KCNIP4: variants seen among roughly 807,000 people sequenced by gnomAD.
KCNIP4 encodes the protein Kv channel-interacting protein 4.
KCNIP4 carries 12 observed loss-of-function variants against 34.0 expected under a neutral mutation model. The observed-to-expected ratio is 0.35, with a 90% CI of 0.23 to 0.57. The LOEUF is 0.57. KCNIP4 is among the 20% of genes least tolerant of loss of function. The pLI is 0.83. For missense variants in KCNIP4, 238 were observed against 311.7 expected, an observed-to-expected ratio of 0.76 and a Z score of 1.78; for synonymous variants, 124 against 102.2, an observed-to-expected ratio of 1.21 and a Z score of -1.29.
chr4:21,487,374 A>G (rs566168294), intron 1 of KCNIP4, among the ~76,000 whole-genome samples: 285 of 152,312 alleles, frequency 1.9e-3, no homozygotes, highest in Non-Finnish European at 3.4e-3. Flanking sequence ...ATGCAGAAGA[A>G]AAGTACCATT....
At chr4:21,842,010 A>G (rs1025833914) in intron 1 of KCNIP4, among the ~76,000 whole-genome samples, 2 of 152,194 alleles carry the variant, frequency 1.3e-5, no homozygotes, top group Non-Finnish European at 2.9e-5. Context: ...CCCTTCCCTC[A>G]GAAATTGATG....
chr4:21,778,665 A>C lies in KCNIP4; in HGVS notation c.61+169906T>G, dbSNP rs77287825. On this transcript the variant is annotated intron_variant, in intron 1 of 8. Transcript: ENST00000382152. The stretch of plus-strand genomic sequence containing the variant: ...ATTTTTAGAGCAAAGGTAGAAGCAC[A>C]TTTTATATAAATCTAGAAGTATCCT... 8.8e-3 allele frequency among the ~76,000 whole-genome samples: 1,333 copies of C among 152,316 alleles called. 19 individuals carry two copies. The highest frequency in any genetic ancestry group is 0.038 in the South Asian group (185 of 4,824).
chr4:21,186,030 C>A (rs1442986603), intron 1 of KCNIP4, among the ~76,000 whole-genome samples: 1 of 152,136 alleles, frequency 6.6e-6, no homozygotes, highest in African/African-American at 2.4e-5. Context: ...TTTCTTTAAT[C>A]TGAAACATAA....
At chr4:21,026,997 C>A (rs1215146179) in intron 1 of KCNIP4, among the ~76,000 whole-genome samples, 2 of 152,130 alleles carry the variant, frequency 1.3e-5, no homozygotes, top group Non-Finnish European at 2.9e-5. Flanking sequence ...GGTTTTCAGT[C>A]AGACGAGAAC....
At chr4:21,206,281 C>T (rs1312744071) in intron 1 of KCNIP4, among the ~76,000 whole-genome samples, 1 of 152,158 alleles carries the variant, frequency 6.6e-6, no homozygotes, top group Non-Finnish European at 1.5e-5. Context: ...TACGGAATGT[C>T]AGGATAATAA....
intron 1 of KCNIP4, among the ~76,000 whole-genome samples, chr4:20,988,974 A>G (rs1343484896): frequency 6.6e-6 from 1 of 152,214 alleles, no homozygotes; most frequent in Non-Finnish European, 1.5e-5. Context: ...CTTATATTCC[A>G]TTAGTTTCCC....
chr4:21,820,555 C>T (rs2109288526), intron 1 of KCNIP4, among the ~76,000 whole-genome samples: 1 of 152,092 alleles, frequency 6.6e-6, no homozygotes, highest in South Asian at 2.1e-4. Context: ...ATACAAATTA[C>T]TACCAGAGTG....
chr4:21,522,821 A>T (rs1735653720), intron 1 of KCNIP4, among the ~76,000 whole-genome samples: 1 of 152,142 alleles, frequency 6.6e-6, no homozygotes, highest in African/African-American at 2.4e-5. Context: ...ATAAGTTGAT[A>T]TTTGTAAAGT....
intron 1 of KCNIP4, among the ~76,000 whole-genome samples, chr4:20,913,234 T>A (rs1242038089): frequency 6.6e-6 from 1 of 151,492 alleles, no homozygotes; most frequent in Non-Finnish European, 1.5e-5. Context: ...TTAAAAACAA[T>A]GTACCAAAAA....
At chr4:21,711,476 G>A (rs369264900) in intron 1 of KCNIP4, among the ~76,000 whole-genome samples, 11 of 151,544 alleles carry the variant, frequency 7.3e-5, no homozygotes, top group East Asian at 5.8e-4. Flanking sequence ...GCGAGACTCC[G>A]TCTCAAAAAA....
intron 1 of KCNIP4, among the ~76,000 whole-genome samples, chr4:21,911,921 A>G (rs1488393033): frequency 1.3e-5 from 2 of 152,080 alleles, no homozygotes; most frequent in East Asian, 3.9e-4. Flanking sequence ...AGATACTAAT[A>G]CATACTTTCA....
At chr4:21,931,118 G>A (rs1247340755) in intron 1 of KCNIP4, among the ~76,000 whole-genome samples, 1 of 151,992 alleles carries the variant, frequency 6.6e-6, no homozygotes, top group Non-Finnish European at 1.5e-5. Context: ...ATCTTACTGT[G>A]GTAGCTTTTG....
chr4:20,895,441 A>G (rs1346014739), intron 1 of KCNIP4, among the ~76,000 whole-genome samples: 1 of 152,188 alleles, frequency 6.6e-6, no homozygotes, highest in African/African-American at 2.4e-5. Context: ...CTAATAATAG[A>G]TGACACTAAT....
In KCNIP4 at chr4:20,730,910, C is replaced by T. The variant is rs533084583; in HGVS notation, c.706-781G>A. 5.3e-5 allele frequency among the ~76,000 whole-genome samples: 8 copies of T among 152,176 alleles called. No individual in the cohort carries two copies. In the East Asian group the frequency reaches 1.4e-3, roughly 26 times the overall value. Reference sequence around the variant, plus strand: ...ACTGCTAGAAACCAAGTAACATCACCGTCAAGCAGCTTAATGTCACCAAAT... The same window carrying T: ...ACTGCTAGAAACCAAGTAACATCACTGTCAAGCAGCTTAATGTCACCAAAT... On this transcript the variant is annotated intron_variant, in intron 8 of 8. Transcript: ENST00000382152.
At chr4:21,127,632 G>T (rs544145042) in intron 1 of KCNIP4, among the ~76,000 whole-genome samples, 1 of 152,200 alleles carries the variant, frequency 6.6e-6, no homozygotes, top group Admixed American at 6.5e-5. Context: ...TTAGAACCTA[G>T]CCCATAATAG....
At chr4:21,249,598 T>C (rs1249358110) in intron 1 of KCNIP4, among the ~76,000 whole-genome samples, 5 of 152,106 alleles carry the variant, frequency 3.3e-5, no homozygotes, top group African/African-American at 7.2e-5. Context: ...ACAGAGTAGG[T>C]ACCCATAATA....
chr4:21,816,291 A>G lies in KCNIP4; in HGVS notation c.61+132280T>C, dbSNP rs1480762137. ...ATAAAATTAACCATTTCCAGATAGG[A>G]TTAAACATAACTCTGAATATCTATG... On this transcript the variant is annotated intron_variant, in intron 1 of 8. Coordinates refer to ENST00000382152, the MANE Select transcript of KCNIP4 (RefSeq NM_025221.6). Among the ~76,000 whole-genome samples the G allele has an allele frequency of 2.6e-5, 4 of 152,196 alleles. No homozygotes were observed. In the East Asian group the frequency reaches 7.7e-4, roughly 29 times the overall value.
intron 1 of KCNIP4, among the ~76,000 whole-genome samples, chr4:21,507,107 G>T (rs1409021867): frequency 2.0e-5 from 3 of 151,552 alleles, no homozygotes; most frequent in African/African-American, 7.3e-5. Context: ...TTTCTTTAAA[G>T]AAATTTTAAA....
chr4:20,772,987 C>G (rs965822945), intron 3 of KCNIP4, among the ~76,000 whole-genome samples: 2 of 150,948 alleles, frequency 1.3e-5, no homozygotes, highest in Non-Finnish European at 2.9e-5. Context: ...CCCTCTTGCA[C>G]AAGTTTTTCC....
Sources: allele counts gnomAD v4.1 joint callset (sites outside exome capture counted in the v4.1 genomes callset), GRCh38; gene constraint gnomAD v4.1.1; transcripts MANE v1.5; gene names NCBI Gene and HGNC (gene_info 2026-07-23, HGNC 2026-07-21).